The following GCNT2 variants were observed in gnomAD, a reference collection of about 807,000 sequenced individuals.
GCNT2 encodes glucosaminyl (N-acetyl) transferase 2 (I blood group), also known as N-acetyllactosaminide beta-1,6-N-acetylglucosaminyl-transferase.
Under a neutral mutation model 34.2 loss-of-function variants are expected in GCNT2, and 34 were observed. That is an observed-to-expected ratio of 1.00 (90% CI 0.76 to 1.32). GCNT2 has a LOEUF of 1.32. Ranked by LOEUF, GCNT2 falls within the 40% of genes most tolerant of loss-of-function variation. GCNT2 has a pLI of 0.00. For synonymous variants in GCNT2, 212 were observed against 188.0 expected, an observed-to-expected ratio of 1.13 and a Z score of -1.04; for missense variants, 584 against 489.4, an observed-to-expected ratio of 1.19 and a Z score of -1.82.
intron 3 of GCNT2, among the ~76,000 whole-genome samples, chr6:10,610,573 A>G (rs982129583): frequency 6.6e-6 from 1 of 152,238 alleles, no homozygotes; most frequent in African/African-American, 2.4e-5. Context: ...AGACTGTCCA[A>G]GAATGACTCT....
intron 3 of GCNT2, among the ~76,000 whole-genome samples, chr6:10,565,459 A>G (rs1257987547): frequency 1.3e-5 from 2 of 152,184 alleles, no homozygotes; most frequent in African/African-American, 4.8e-5. Flanking sequence ...TCCTGAGCCA[A>G]TAATTCACGA....
chr6:10,583,090 C>A (rs1026041268), intron 3 of GCNT2, among the ~76,000 whole-genome samples: 6 of 152,122 alleles, frequency 3.9e-5, no homozygotes, highest in Admixed American at 1.3e-4. Flanking sequence ...AGCTGAATGA[C>A]ATTGGGGAGA....
intron 3 of GCNT2, chr6:10,619,082 T>C (rs1765917927): frequency 6.6e-6 from 1 of 152,246 alleles, no homozygotes; most frequent in African/African-American, 2.4e-5. Context: ...TTTTTATTAA[T>C]ATTTTTAAAA....
At position 10,528,760 on chromosome 6, in the gene GCNT2, A is replaced by C; in HGVS notation, c.-152A>C. ...AGGGGAAGAAGAAAGAAAAAGGACC[A>C]GAACCGTGAACTGAAGGGACAGGGA... On this transcript the variant is annotated 5_prime_UTR_variant, in exon 3 of 5. Transcript: ENST00000495262. 1.4e-6 allele frequency: 1 copy of C among 702,272 alleles called. No individual in the cohort carries two copies. Among genetic ancestry groups the C allele is most frequent in the Non-Finnish European group, 2.5e-6 (1 of 392,558 alleles). 43.5% of individuals were successfully genotyped at this position (702,272 alleles called of 1,614,324 possible). A position where few individuals can be genotyped will look rare whatever the true frequency, so the allele number is the denominator to read the frequency against.
intron 3 of GCNT2, among the ~76,000 whole-genome samples, chr6:10,540,470 A>C (rs1464058458): frequency 6.6e-6 from 1 of 152,092 alleles, no homozygotes; most frequent in Non-Finnish European, 1.5e-5. Flanking sequence ...CCTTATCCAC[A>C]CTTCTCTTGC....
At chr6:10,543,096 C>T (rs1415558720) in intron 3 of GCNT2, among the ~76,000 whole-genome samples, 2 of 151,166 alleles carry the variant, frequency 1.3e-5, no homozygotes, top group Non-Finnish European at 2.9e-5. Flanking sequence ...TTAGTAGAGA[C>T]GGGGTTTCAC....
intron 2 of GCNT2, among the ~76,000 whole-genome samples, chr6:10,528,040 C>A (rs1761286001): frequency 6.6e-6 from 1 of 152,156 alleles, no homozygotes; most frequent in African/African-American, 2.4e-5. Flanking sequence ...CTATGTTAGC[C>A]TGTATGCAAT....
chr6:10,569,273 A>ACACACACACACACACACACACCCC (rs1561806920), intron 3 of GCNT2, among the ~76,000 whole-genome samples: 1 of 139,610 alleles, frequency 7.2e-6, no homozygotes, highest in Non-Finnish European at 1.5e-5. Context: ...ACACACACAC[A>ACACACACACACACACACACACCCC]CCCCCTAGGT....
At chr6:10,566,538 C>T (rs1763291298) in intron 3 of GCNT2, among the ~76,000 whole-genome samples, 1 of 152,228 alleles carries the variant, frequency 6.6e-6, no homozygotes, top group Non-Finnish European at 1.5e-5. Flanking sequence ...AAGTGATCCT[C>T]CTGCCTTGGC....
At chr6:10,600,186 GA>G (rs1428435414) in intron 3 of GCNT2, among the ~76,000 whole-genome samples, 1 of 152,154 alleles carries the variant, frequency 6.6e-6, no homozygotes, top group Non-Finnish European at 1.5e-5. Context: ...GGGGCAGTAT[GA>G]ATATTTTGGT....
chr6:10,525,888 G>T (rs1158982850), intron 1 of GCNT2, among the ~76,000 whole-genome samples: 1 of 152,216 alleles, frequency 6.6e-6, no homozygotes, highest in African/African-American at 2.4e-5. Context: ...GCAATGTCTG[G>T]AGGGATAGAA....
At chr6:10,590,559 A>T (rs540613459) in intron 3 of GCNT2, among the ~76,000 whole-genome samples, 5 of 142,946 alleles carry the variant, frequency 3.5e-5, no homozygotes, top group Admixed American at 7.0e-5. Flanking sequence ...ATTTTCACCT[A>T]TTTTTTTTTT....
At chr6:10,607,910 T>C (rs1765393638) in intron 3 of GCNT2, among the ~76,000 whole-genome samples, 1 of 152,148 alleles carries the variant, frequency 6.6e-6, no homozygotes, top group African/African-American at 2.4e-5. Flanking sequence ...AACCTGTCAG[T>C]GGTCTCACAG....
At chr6:10,555,861 A>G (rs1195152087) in intron 3 of GCNT2, 4 of 990,100 alleles carry the variant, frequency 4.0e-6, no homozygotes, top group Middle Eastern at 5.1e-4. Context: ...GCTATTTTCT[A>G]TCCCGTGGGT....
intron 3 of GCNT2, among the ~76,000 whole-genome samples, chr6:10,561,578 T>A (rs931392518): frequency 9.9e-5 from 15 of 152,200 alleles, no homozygotes; most frequent in African/African-American, 3.6e-4. Flanking sequence ...CTGGTTGATC[T>A]TCTTCCCAGT....
intron 3 of GCNT2, chr6:10,558,133 C>T (rs1311382967): frequency 1.3e-5 from 2 of 152,198 alleles, no homozygotes; most frequent in Non-Finnish European, 2.9e-5. Context: ...AGTTTATTGC[C>T]CTGTGGAATT....
rs945192365 is a variant in GCNT2, at chr6:10,542,078, G to C, written c.925+12242G>C. ...CTAGTATGAAACCAATTGTGTTGTT[G>C]CTTTCATACAAATCCAGCAGTTTTC... is the stretch of plus-strand genomic sequence containing the variant. On this transcript the variant is annotated intron_variant, in intron 3 of 4. Coordinates refer to ENST00000495262, the MANE Select transcript of GCNT2 (RefSeq NM_145649.5). 4.6e-5 allele frequency among the ~76,000 whole-genome samples: 7 copies of C among 152,214 alleles called. No homozygotes were observed. In the South Asian group the frequency reaches 1.0e-3, roughly 23 times the overall value.
chr6:10,588,785 A>ATGTGTGTGTGATG (rs1764463766), intron 3 of GCNT2, among the ~76,000 whole-genome samples: 1 of 135,162 alleles, frequency 7.4e-6, no homozygotes, highest in African/African-American at 2.9e-5. Context: ...TGTGTGTGTG[A>ATGTGTGTGTGATG]TGTGTGTGTG....
chr6:10,557,751 C>A (rs1024757592), intron 3 of GCNT2, among the ~76,000 whole-genome samples: 2 of 152,168 alleles, frequency 1.3e-5, no homozygotes, highest in African/African-American at 2.4e-5. Flanking sequence ...CTTGGCCTCC[C>A]AAAATGCTGG....
Sources: gnomAD v4.1 joint callset for allele counts (sites outside exome capture counted in the v4.1 genomes callset) on GRCh38, gnomAD v4.1.1 for gene constraint, MANE v1.5 for transcripts, NCBI Gene and HGNC (gene_info 2026-07-23, HGNC 2026-07-21) for gene names.